The following NSUN2 variants were observed in gnomAD, a reference collection of about 807,000 sequenced individuals.
The protein encoded by NSUN2 is RNA cytosine C(5)-methyltransferase NSUN2.
NSUN2 carries 63 observed loss-of-function variants against 92.7 expected under a neutral mutation model. The observed-to-expected ratio is 0.68, with a 90% CI of 0.56 to 0.84. NSUN2 has a LOEUF of 0.84. NSUN2 is among the 40% of genes least tolerant of loss of function. NSUN2 has a pLI of 0.00. For missense variants in NSUN2, 989 were observed against 964.9 expected (o/e 1.02, Z -0.33); for synonymous variants, 356 against 348.3 (o/e 1.02, Z -0.25).
At chr5:6,611,666 C>T (rs1250747545) in intron 10 of NSUN2, 59 bp downstream of exon 10, 1 of 1,415,274 alleles carries the variant, frequency 7.1e-7, no homozygotes, top group African/African-American at 1.4e-5. Context: ...TGAAACTTGA[C>T]TCTACTTCAG....
chr5:6,611,055 C>A lies in NSUN2; in HGVS notation c.1126G>T (p.Asp376Tyr). Reference sequence around the variant, plus strand: ...CTGCTGTGAGGAACAGCGTCCCAGTCTGTAAACCACTGCCCATCTTTCGTC... The same window carrying A: ...CTGCTGTGAGGAACAGCGTCCCAGTATGTAAACCACTGCCCATCTTTCGTC... ...VMTKDGQWFT[D>Y]WDAVPHSRHT... Residue 376 changes from aspartate (D) to tyrosine (Y), a missense_variant, in exon 11 of 19, where the codon GAC becomes TAC. Asp to Tyr is a radical substitution (Grantham distance 160). Coordinates refer to ENST00000264670, the MANE Select transcript of NSUN2 (RefSeq NM_017755.6). 6.2e-7 allele frequency: 1 copy of A among 1,614,170 alleles called. No homozygotes were observed. Among genetic ancestry groups the A allele is most frequent in the Non-Finnish European group, 8.5e-7 (1 of 1,180,036 alleles).
chr5:6,611,565 T>C (rs1235789464), intron 10 of NSUN2, among the ~76,000 whole-genome samples, 160 bp downstream of exon 10: 2 of 151,774 alleles, frequency 1.3e-5, no homozygotes, highest in Non-Finnish European at 2.9e-5. Flanking sequence ...CCACTTGTCA[T>C]GAAATGTGTC....
intron 16 of NSUN2, 52 bp from the exon 17 acceptor site, chr5:6,604,328 C>T (rs762835129): frequency 1.3e-5 from 19 of 1,469,160 alleles, no homozygotes; most frequent in South Asian, 7.3e-5. Context: ...CATTCATGAA[C>T]GACAACAGCC....
chr5:6,611,639 C>T (rs1177140709), intron 10 of NSUN2, 86 bp downstream of exon 10: 2 of 1,018,426 alleles, frequency 2.0e-6, no homozygotes, highest in Non-Finnish European at 3.1e-6. Flanking sequence ...ATTCAAGTTA[C>T]TCACACGTGA....
chr5:6,632,299 T>C (rs1737949252), intron 2 of NSUN2, among the ~76,000 whole-genome samples: 1 of 152,068 alleles, frequency 6.6e-6, no homozygotes, highest in South Asian at 2.1e-4. Context: ...GTTTTATGCA[T>C]TCTCTATAAA....
At position 6,609,848 on chromosome 5, in the gene NSUN2, G is replaced by T. The variant is rs750428445; in HGVS notation, c.1301C>A (p.Pro434Gln). 1.2e-6 allele frequency: 2 copies of T among 1,613,384 alleles called. No homozygotes were observed. Among genetic ancestry groups the T allele is most frequent in the African/African-American group, 2.7e-5 (2 of 74,868 alleles). ...CACCTTTGGCTGACGTTTATTCCAC[G>T]GCATTGAAGATTTTTTCACCAATAC... ...VAVLVKKSSM[P>Q]WNKRQPKLQG... is the part of the protein sequence containing the mutation. Residue 434 changes from proline (P) to glutamine (Q), a missense_variant, in exon 12 of 19, where the codon CCG becomes CAG. This residue lies in a region of NSUN2 where 626 missense variants were observed against 602.3 expected (regional missense o/e 1.04). Coordinates refer to ENST00000264670, the MANE Select transcript of NSUN2 (RefSeq NM_017755.6).
At chr5:6,614,446 G>A (rs532714656) in intron 9 of NSUN2, among the ~76,000 whole-genome samples, 3 of 152,188 alleles carry the variant, frequency 2.0e-5, no homozygotes, top group African/African-American at 7.2e-5. Context: ...CCTGGGTCAC[G>A]CTTGCTCATT....
chr5:6,616,964 T>C, intron 8 of NSUN2, 107 bp from the exon 9 acceptor site: 1 of 1,022,852 alleles, frequency 9.8e-7, no homozygotes. Context: ...TATAACACAA[T>C]TATACTTAAA....
chr5:6,628,429 A>G (rs1433240962), intron 3 of NSUN2, among the ~76,000 whole-genome samples: 2 of 152,246 alleles, frequency 1.3e-5, no homozygotes, highest in East Asian at 3.8e-4. Context: ...ATGCTTCTAT[A>G]AGAATGCTTT....
chr5:6,606,560 C>T (rs1271168714), intron 14 of NSUN2, among the ~76,000 whole-genome samples: 1 of 152,156 alleles, frequency 6.6e-6, no homozygotes, highest in Non-Finnish European at 1.5e-5. Flanking sequence ...GCTGGGATTA[C>T]AGCCGTGAGC....
chr5:6,609,896 T>C lies in NSUN2; in HGVS notation c.1253A>G (p.Asn418Ser). 6.2e-7 allele frequency: 1 copy of C among 1,613,402 alleles called. No homozygotes were observed. Among genetic ancestry groups the C allele is most frequent in the Non-Finnish European group, 8.5e-7 (1 of 1,179,406 alleles). Residue 418 changes from asparagine to serine, a missense_variant, in exon 12 of 19, where the codon AAT becomes AGT. Asn to Ser is a conservative substitution (Grantham distance 46, BLOSUM62 1). Around this residue, in one of 3 missense-constraint regions of NSUN2, gnomAD observed 626 missense variants for 602.3 expected, o/e 1.04. Transcript: ENST00000264670. ...TACTGCCACAAAAAACCCTCCAGTA[T>C]TCTGATGATGGGGTAATATCCTAAG... is the stretch of plus-strand genomic sequence containing the variant. ...RCLRILPHHQ[N>S]TGGFFVAVLV...
intron 3 of NSUN2, among the ~76,000 whole-genome samples, chr5:6,629,663 A>G (rs899341468): frequency 6.6e-6 from 1 of 152,228 alleles, no homozygotes; most frequent in Non-Finnish European, 1.5e-5. Flanking sequence ...AAAATATTTT[A>G]GATGGTTTGG....
At chr5:6,619,795 A>C (rs913243700) in intron 7 of NSUN2, among the ~76,000 whole-genome samples, 9 of 151,986 alleles carry the variant, frequency 5.9e-5, no homozygotes, top group Non-Finnish European at 1.0e-4. Context: ...ATAACATCCT[A>C]AAACACACCA....
intron 9 of NSUN2, among the ~76,000 whole-genome samples, 158 bp downstream of exon 9, chr5:6,616,569 G>A (rs1737219410): frequency 2.2e-5 from 2 of 89,594 alleles, no homozygotes; most frequent in African/African-American, 8.7e-5. Flanking sequence ...TTCTGGAGAT[G>A]GATGGTGGTG....
chr5:6,611,379 G>C (rs1486136434), intron 10 of NSUN2, among the ~76,000 whole-genome samples: 1 of 140,920 alleles, frequency 7.1e-6, no homozygotes, highest in East Asian at 2.1e-4. Flanking sequence ...CAAGCCTCAG[G>C]CTGTTTCTGG....
intron 5 of NSUN2, 141 bp from the exon 6 acceptor site, chr5:6,622,241 ACTTTTAG>A (rs1177732173): frequency 1.5e-6 from 1 of 646,710 alleles, no homozygotes. Context: ...GACATAATTT[ACTTTTAG>A]GGATTCTACA....
chr5:6,607,342 T>C lies in NSUN2; in HGVS notation c.1366A>G (p.Ser456Gly). Residue 456 changes from serine (S) to glycine (G), a missense_variant, in exon 13 of 19, where the codon AGC (serine) becomes GGC (glycine). Ser to Gly is a moderately conservative substitution (Grantham distance 56, BLOSUM62 0). Coordinates refer to ENST00000264670, the MANE Select transcript of NSUN2 (RefSeq NM_017755.6). ...SAETRESTQL[S>G]PADLTEGKPT... is the part of the protein sequence containing the mutation. Reference sequence around the variant, plus strand: ...TTCCCTTCTGTGAGATCTGCAGGGCTCAGCTGTGTGCTTTCTCTGGTCTCT... The same window carrying C: ...TTCCCTTCTGTGAGATCTGCAGGGCCCAGCTGTGTGCTTTCTCTGGTCTCT... The C allele has an allele frequency of 6.2e-7, 1 of 1,614,180 alleles. No individual in the cohort carries two copies. Among genetic ancestry groups the C allele is most frequent in the Non-Finnish European group, 8.5e-7 (1 of 1,180,026 alleles).
At chr5:6,632,456 C>T (rs1437086330) in intron 2 of NSUN2, 143 bp downstream of exon 2, 4 of 908,466 alleles carry the variant, frequency 4.4e-6, no homozygotes, top group African/African-American at 1.7e-5. Context: ...ACCCTGTGCT[C>T]CCCACCTCAA....
chr5:6,616,793 A>T lies in NSUN2; in HGVS notation c.955T>A (p.Ser319Thr), dbSNP rs376765160. ...TCAATAGGGTTTAGTGAACACGTGGAATACACCATCCTTCCACCTTCAGCC... is the reference window on the plus strand; with the variant it reads ...TCAATAGGGTTTAGTGAACACGTGGTATACACCATCCTTCCACCTTCAGCC... ...QLAEGGRMVY[S>T]TCSLNPIEDE... Residue 319 changes from serine to threonine, a missense_variant, in exon 9 of 19, where the codon TCC (serine) becomes ACC (threonine). By Grantham distance (58) the Ser-to-Thr change is moderately conservative. Transcript: ENST00000264670. 6.2e-6 allele frequency: 10 copies of T among 1,614,012 alleles called. No homozygotes were observed. The highest frequency in any genetic ancestry group is 7.6e-6 in the Non-Finnish European group (9 of 1,180,006).
Sources: allele counts gnomAD v4.1 joint callset (sites outside exome capture counted in the v4.1 genomes callset), GRCh38; gene constraint gnomAD v4.1.1; regional missense constraint gnomAD v4.1.1; transcripts MANE v1.5; gene names NCBI Gene and HGNC (gene_info 2026-07-23, HGNC 2026-07-21).